The following DGKI variants were observed in gnomAD, a reference collection of about 807,000 sequenced individuals.
The protein encoded by DGKI is diacylglycerol kinase iota.
DGKI carries 55 observed loss-of-function variants against 147.5 expected under a neutral mutation model. The ratio of observed to expected loss-of-function variants is 0.37; its 90% CI spans 0.30 to 0.47. The LOEUF is 0.47. Ranked by LOEUF, DGKI falls within the 20% of genes least tolerant of loss-of-function variation. DGKI has a pLI of 1.00. For missense variants in DGKI, 1,007 were observed against 1,323.8 expected (o/e 0.76, Z 3.71); for synonymous variants, 469 against 477.1 (o/e 0.98, Z 0.22).
chr7:137,498,336 C>A (rs1324600226), intron 21 of DGKI, among the ~76,000 whole-genome samples: 2 of 151,262 alleles, frequency 1.3e-5, no homozygotes, highest in South Asian at 2.1e-4. Flanking sequence ...AAAAAACATC[C>A]CCATAATACG....
At chr7:137,783,884 A>G (rs991526806) in intron 1 of DGKI, among the ~76,000 whole-genome samples, 3 of 152,264 alleles carry the variant, frequency 2.0e-5, no homozygotes, top group African/African-American at 4.8e-5. Flanking sequence ...ACTAAGCTTC[A>G]TAAATGAGGG....
chr7:137,489,777 A>T (rs1815696731), intron 21 of DGKI, among the ~76,000 whole-genome samples: 1 of 152,178 alleles, frequency 6.6e-6, no homozygotes, highest in Non-Finnish European at 1.5e-5. Flanking sequence ...ATTTTAATCA[A>T]TGTTTATCCA....
chr7:137,456,593 A>G (rs945430763), intron 27 of DGKI, among the ~76,000 whole-genome samples: 18 of 152,280 alleles, frequency 1.2e-4, no homozygotes, highest in African/African-American at 4.3e-4. Context: ...TCCAATCAAT[A>G]CTGCCTCACA....
At position 137,463,551 on chromosome 7, in the gene DGKI, C is replaced by A; in HGVS notation, c.2673G>T (p.Gly891=). ...AGTCCTCATAATAGGGAGCTATCAT[C>A]CCCAGCCCACTGTCACTCAGCATGC... ...RKRMLSDSGL[G]MIAPYYEDSD... The change falls in exon 27 of 33, where the codon GGG becomes GGT. Residue 891 remains glycine (G), a synonymous_variant. Coordinates refer to ENST00000614521, the MANE Select transcript of DGKI (RefSeq NM_001321708.2). The A allele has an allele frequency of 6.2e-7, 1 of 1,614,174 alleles. No individual in the cohort carries two copies. Among genetic ancestry groups the A allele is most frequent in the African/African-American group, 1.3e-5 (1 of 75,058 alleles).
rs1190512103 is a variant in DGKI at position 137,599,922 on chromosome 7, CA to C, written c.1168-18del. On this transcript the variant is annotated intron_variant, in intron 10 of 32. Coordinates refer to ENST00000614521, the MANE Select transcript of DGKI (RefSeq NM_001321708.2). Reference sequence around the variant, plus strand: ...TTTGGTTCCCTGTAAAAAATAAATACACAAAAAGGCAATAATAGGAAGAAAT... The same window carrying C: ...TTTGGTTCCCTGTAAAAAATAAATACCAAAAAGGCAATAATAGGAAGAAAT... 3.8e-6 allele frequency: 6 copies of C among 1,596,884 alleles called. No homozygotes were observed. The highest frequency in any genetic ancestry group is 4.3e-6 in the Non-Finnish European group (5 of 1,165,356).
intron 19 of DGKI, among the ~76,000 whole-genome samples, chr7:137,553,740 G>A (rs1017477604): frequency 1.3e-4 from 20 of 151,986 alleles, no homozygotes; most frequent in African/African-American, 2.9e-4. Context: ...AGGTTCCTAC[G>A]TGCCCCTTCC....
chr7:137,719,001 C>T (rs983161043), intron 1 of DGKI, among the ~76,000 whole-genome samples: 2 of 152,130 alleles, frequency 1.3e-5, no homozygotes, highest in African/African-American at 4.8e-5. Context: ...GGTCTTGGCA[C>T]ATAATATTTT....
intron 1 of DGKI, among the ~76,000 whole-genome samples, chr7:137,838,488 G>T (rs991991501): frequency 5.3e-5 from 8 of 151,882 alleles, no homozygotes; most frequent in Admixed American, 4.6e-4. Context: ...TCAACAAATT[G>T]CTTTCAAGTT....
chr7:137,453,731 C>T (rs934662229), intron 27 of DGKI, among the ~76,000 whole-genome samples: 4 of 152,086 alleles, frequency 2.6e-5, no homozygotes, highest in African/African-American at 9.7e-5. Flanking sequence ...AGGAAGAAGA[C>T]AGAGATGAGC....
intron 2 of DGKI, among the ~76,000 whole-genome samples, chr7:137,684,755 C>T (rs368812501): frequency 1.3e-5 from 2 of 152,100 alleles, no homozygotes; most frequent in Admixed American, 6.5e-5. Context: ...TCTCATTTAT[C>T]GATTAATCTG....
chr7:137,424,053 T>C (rs2128907542), intron 28 of DGKI, among the ~76,000 whole-genome samples: 1 of 152,286 alleles, frequency 6.6e-6, no homozygotes, highest in Admixed American at 6.5e-5. Context: ...ACATTAATTT[T>C]GAATCTTCCC....
chr7:137,442,862 A>G (rs543402898), intron 28 of DGKI, among the ~76,000 whole-genome samples: 1 of 152,362 alleles, frequency 6.6e-6, no homozygotes, highest in Non-Finnish European at 1.5e-5. Flanking sequence ...GAAAACAGGT[A>G]AATAAAGCAT....
At chr7:137,463,443 G>T (rs377262676) in intron 27 of DGKI, 46 bp downstream of exon 27, 1 of 1,605,230 alleles carries the variant, frequency 6.2e-7, no homozygotes, top group African/African-American at 1.3e-5. Flanking sequence ...TCCTCTCCCA[G>T]CAATCACAGT....
At chr7:137,574,900 A>T (rs1161873249) in intron 17 of DGKI, among the ~76,000 whole-genome samples, 1 of 152,230 alleles carries the variant, frequency 6.6e-6, no homozygotes, top group African/African-American at 2.4e-5. Flanking sequence ...TAGCTATTGC[A>T]TTAGAAACAC....
chr7:137,590,700 T>G (rs1272158544), intron 12 of DGKI, among the ~76,000 whole-genome samples: 1 of 152,138 alleles, frequency 6.6e-6, no homozygotes, highest in Non-Finnish European at 1.5e-5. Flanking sequence ...GTGTTGTTGT[T>G]TTTTTTGTCT....
chr7:137,530,105 C>T (rs920580376), intron 20 of DGKI, among the ~76,000 whole-genome samples: 1 of 152,278 alleles, frequency 6.6e-6, no homozygotes, highest in Non-Finnish European at 1.5e-5. Context: ...AGCCACTGAA[C>T]AACTCATTGC....
intron 1 of DGKI, among the ~76,000 whole-genome samples, chr7:137,753,527 G>A (rs1401628767): frequency 1.3e-5 from 2 of 152,304 alleles, no homozygotes; most frequent in Middle Eastern, 3.4e-3. Flanking sequence ...CCAAAGGAAC[G>A]GAACAGAGTG....
chr7:137,623,631 T>C, intron 6 of DGKI, 77 bp from the exon 7 acceptor site: 1 of 1,309,044 alleles, frequency 7.6e-7, no homozygotes, highest in Non-Finnish European at 1.1e-6. Context: ...TGAAGTGCAA[T>C]GACGTGAATA....
At chr7:137,806,788 T>C (rs927116937) in intron 1 of DGKI, among the ~76,000 whole-genome samples, 1 of 152,148 alleles carries the variant, frequency 6.6e-6, no homozygotes, top group African/African-American at 2.4e-5. Flanking sequence ...GGGCTTCTCA[T>C]CTGCCCACCT....
Sources: gnomAD v4.1 joint callset for allele counts (sites outside exome capture counted in the v4.1 genomes callset) on GRCh38, gnomAD v4.1.1 for gene constraint, MANE v1.5 for transcripts, NCBI Gene and HGNC (gene_info 2026-07-23, HGNC 2026-07-21) for gene names.